Variants in DPP6 observed in about 807,000 individuals in gnomAD.
DPP6 encodes A-type potassium channel modulatory protein DPP6.
DPP6 carries 69 observed loss-of-function variants against 122.6 expected under a neutral mutation model. The ratio of observed to expected loss-of-function variants is 0.56; its 90% CI spans 0.46 to 0.69. The LOEUF (loss-of-function observed/expected upper bound fraction) is 0.69. Ranked by LOEUF, DPP6 falls within the 30% of genes least tolerant of loss-of-function variation. The probability of loss-of-function intolerance (pLI) is 0.00; values close to 1 mark genes in which losing one functional copy is unlikely to be tolerated. For missense variants in DPP6, 928 were observed against 1,116.9 expected (o/e 0.83, Z 2.41); for synonymous variants, 418 against 433.1 (o/e 0.97, Z 0.43).
the DPP6 span, among the ~76,000 whole-genome samples, chr7:153,784,980 G>A: frequency 6.6e-6 from 1 of 152,202 alleles, no homozygotes; most frequent in East Asian, 1.9e-4. Context: ...GGGCGAGAAT[G>A]CAGTTATAAC....
intron 4 of DPP6, among the ~76,000 whole-genome samples, chr7:154,563,469 G>C (rs971103453): frequency 2.0e-5 from 3 of 152,212 alleles, no homozygotes; most frequent in African/African-American, 7.2e-5. Flanking sequence ...TGGCCGCCTG[G>C]GAAAGCAGGT....
intron 1 of DPP6, among the ~76,000 whole-genome samples, chr7:154,284,469 A>G (rs1396610002): frequency 6.6e-6 from 1 of 152,262 alleles, no homozygotes; most frequent in Non-Finnish European, 1.5e-5. Flanking sequence ...ATGGATCAAT[A>G]AAATGTGGTA....
intron 5 of DPP6, among the ~76,000 whole-genome samples, chr7:154,598,598 C>G (rs1291671977): frequency 6.6e-6 from 1 of 152,178 alleles, no homozygotes; most frequent in African/African-American, 2.4e-5. Context: ...CTGCAGTTAT[C>G]CCCTAGAAAC....
intron 3 of DPP6, among the ~76,000 whole-genome samples, chr7:154,520,653 T>C (rs1049233011): frequency 6.6e-6 from 1 of 152,214 alleles, no homozygotes; most frequent in African/African-American, 2.4e-5. Flanking sequence ...ATAGATAAGG[T>C]AAGGTGGAGG....
In DPP6 at chr7:154,200,140, A is replaced by G. The variant is rs4268035; in HGVS notation, c.243+147077A>G. On this transcript the variant is annotated intron_variant, in intron 1 of 25. Transcript: ENST00000377770. ...AGTCACATACCATAGATTCTTATTT[A>G]ATCAGTCCAGGGTGTAGCTTGGCTT... is the stretch of plus-strand genomic sequence containing the variant. Among the ~76,000 whole-genome samples the G allele has an allele frequency of 4.5e-3, 692 of 152,286 alleles. 7 individuals carry two copies. Among genetic ancestry groups the G allele is most frequent in the African/African-American group, 0.016 (661 of 41,556 alleles).
At position 154,483,334 on chromosome 7, in the gene DPP6, T is replaced by C. The variant is rs1823488749; in HGVS notation, c.457+8297T>C. Among the ~76,000 whole-genome samples, 1 of 152,000 alleles carries C rather than the reference T, an allele frequency of 6.6e-6. No individual in the cohort carries two copies. Among genetic ancestry groups the C allele is most frequent in the South Asian group, 2.1e-4 (1 of 4,818 alleles). ...TAGACAATAGTGGTGATCATTTGAG[T>C]CATATTTAAATTGTTTATTTCTTTC... On this transcript the variant is annotated intron_variant, in intron 3 of 25. Transcript: ENST00000377770. The surrounding 1 kb of genome is among the most constrained non-coding windows in gnomAD (Gnocchi z 8.1).
rs957724417 is a variant in DPP6 at position 154,486,281 on chromosome 7, G to A, written c.457+11244G>A. The stretch of plus-strand genomic sequence containing the variant: ...CCTGAGTAGCTGGGACTACAGGTGT[G>A]TGCCACCACGCCCAGCTAATTTTTG... On this transcript the variant is annotated intron_variant, in intron 3 of 25. Coordinates refer to ENST00000377770, the MANE Select transcript of DPP6 (RefSeq NM_130797.4). This position sits in a 1 kb window ranked among gnomAD's most constrained non-coding sequence, Gnocchi z 4.5. Among the ~76,000 whole-genome samples, 1 of 152,044 alleles carries A rather than the reference G, an allele frequency of 6.6e-6. No homozygotes were observed. The highest frequency in any genetic ancestry group is 2.4e-5 in the African/African-American group (1 of 41,388).
At chr7:154,413,134 A>C (rs757043391) in intron 1 of DPP6, among the ~76,000 whole-genome samples, 20 of 152,160 alleles carry the variant, frequency 1.3e-4, no homozygotes, top group Non-Finnish European at 4.4e-5. Flanking sequence ...ACGCTGCCCT[A>C]AAGTGGTCCT....
intron 1 of DPP6, among the ~76,000 whole-genome samples, chr7:154,069,427 G>A (rs1802962519): frequency 6.8e-6 from 1 of 147,962 alleles, no homozygotes; most frequent in Non-Finnish European, 1.5e-5. Flanking sequence ...TTAAACTGTG[G>A]ACTCCAGAGT....
the DPP6 span, among the ~76,000 whole-genome samples, chr7:153,785,506 G>C: frequency 6.6e-6 from 1 of 151,730 alleles, no homozygotes. Context: ...GCATTTTCTA[G>C]GTCTACTCCA....
At chr7:154,190,276 G>A (rs1343245053) in intron 1 of DPP6, among the ~76,000 whole-genome samples, 1 of 152,154 alleles carries the variant, frequency 6.6e-6, no homozygotes, top group Non-Finnish European at 1.5e-5. Flanking sequence ...GAGGTCTCCA[G>A]GTGAGTTTGA....
chr7:154,498,193 C>T (rs1465037488), intron 3 of DPP6, among the ~76,000 whole-genome samples: 2 of 152,092 alleles, frequency 1.3e-5, no homozygotes, highest in South Asian at 2.1e-4. Context: ...TAGAAGCAGT[C>T]GAGAACACAA....
At chr7:154,002,858 T>G (rs1797747368) in intron 1 of DPP6, among the ~76,000 whole-genome samples, 1 of 152,180 alleles carries the variant, frequency 6.6e-6, no homozygotes, top group Non-Finnish European at 1.5e-5. Context: ...GGTAACACAC[T>G]TTCTAAGTGA....
At chr7:154,065,576 G>A (rs564649507) in intron 1 of DPP6, among the ~76,000 whole-genome samples, 1 of 151,872 alleles carries the variant, frequency 6.6e-6, no homozygotes, top group Admixed American at 6.6e-5. Context: ...TACCTAAGCA[G>A]TTACACCATG....
At chr7:154,123,769 C>T (rs1490193965) in intron 1 of DPP6, among the ~76,000 whole-genome samples, 3 of 117,356 alleles carry the variant, frequency 2.6e-5, no homozygotes, top group African/African-American at 8.7e-5. Context: ...TGGGGACACT[C>T]ACTATGATTA....
At chr7:153,989,538 G>A (rs17339844) in intron 1 of DPP6, among the ~76,000 whole-genome samples, 4,208 of 133,646 alleles carry the variant, frequency 0.031, no homozygotes, top group Middle Eastern at 0.084. Flanking sequence ...TATGCCAGAA[G>A]CCGGACTCCA....
chr7:154,767,036 G>C (rs979253650), intron 8 of DPP6, among the ~76,000 whole-genome samples: 2 of 152,330 alleles, frequency 1.3e-5, no homozygotes, highest in South Asian at 4.1e-4. Context: ...TCAAAGGAAA[G>C]AAAGAAATGA....
At chr7:154,302,638 T>C (rs1805987750) in intron 1 of DPP6, among the ~76,000 whole-genome samples, 1 of 152,262 alleles carries the variant, frequency 6.6e-6, no homozygotes, top group Non-Finnish European at 1.5e-5. Flanking sequence ...AAGGATCATG[T>C]ATCACTTTAC....
intron 1 of DPP6, among the ~76,000 whole-genome samples, chr7:154,168,468 T>A (rs1563271305): frequency 1.3e-5 from 2 of 152,182 alleles, no homozygotes; most frequent in African/African-American, 2.4e-5. Context: ...GCTCTGATTG[T>A]AGGTCACCTC....
Sources: gnomAD v4.1 joint callset for allele counts (sites outside exome capture counted in the v4.1 genomes callset) on GRCh38, gnomAD v4.1.1 for gene constraint, Gnocchi (gnomAD v3.1) non-coding constraint, MANE v1.5 for transcripts, NCBI Gene and HGNC (gene_info 2026-07-23, HGNC 2026-07-21) for gene names.